Variants in SYT1 observed in about 807,000 individuals in gnomAD.
SYT1 encodes the protein synaptotagmin-1.
SYT1 carries 8 observed loss-of-function variants against 44.8 expected under a neutral mutation model. The ratio of observed to expected loss-of-function variants is 0.18; its 90% confidence interval spans 0.10 to 0.32. SYT1 has a LOEUF of 0.32. SYT1 is among the 10% of genes least tolerant of loss of function. The pLI is 1.00. For missense variants in SYT1, 286 were observed against 509.3 expected, an observed-to-expected ratio of 0.56 and a Z score of 4.22; for synonymous variants, 154 against 188.8, an observed-to-expected ratio of 0.82 and a Z score of 1.51.
intron 10 of SYT1, among the ~76,000 whole-genome samples, chr12:79,446,108 T>C (rs1284517429): frequency 1.4e-5 from 2 of 146,520 alleles, no homozygotes; most frequent in Admixed American, 1.4e-4. Flanking sequence ...ATGAGAAAAG[T>C]ACTATTGTTA....
chr12:79,327,120 A>G (rs530361071), intron 8 of SYT1, among the ~76,000 whole-genome samples: 6 of 152,178 alleles, frequency 3.9e-5, no homozygotes, highest in Middle Eastern at 3.4e-3. Context: ...AAACTTGACA[A>G]TTTAGGCAAC....
At chr12:79,193,761 G>T (rs1873272373) in intron 3 of SYT1, among the ~76,000 whole-genome samples, 1 of 151,950 alleles carries the variant, frequency 6.6e-6, no homozygotes, top group South Asian at 2.1e-4. Context: ...AATATCTTTT[G>T]TTCAATACAT....
At chr12:79,135,210 G>A (rs1207561352) in intron 3 of SYT1, among the ~76,000 whole-genome samples, 10 of 151,700 alleles carry the variant, frequency 6.6e-5, no homozygotes, top group Admixed American at 1.3e-4. Flanking sequence ...CCATTAACTC[G>A]TCATTTAGCA....
At chr12:78,934,332 G>T (rs1188715705) in intron 1 of SYT1, among the ~76,000 whole-genome samples, 1 of 151,822 alleles carries the variant, frequency 6.6e-6, no homozygotes, top group Non-Finnish European at 1.5e-5. Flanking sequence ...ACCAGCCTGG[G>T]CAACAGGGCA....
At chr12:79,269,085 C>A (rs1224701547) in intron 4 of SYT1, among the ~76,000 whole-genome samples, 2 of 138,306 alleles carry the variant, frequency 1.4e-5, no homozygotes, top group African/African-American at 5.1e-5. Context: ...TTATCTTGCC[C>A]TTCTCTTTTT....
chr12:78,878,986 C>G (rs1462915), intron 1 of SYT1, among the ~76,000 whole-genome samples: 77,797 of 151,460 alleles, frequency 0.51, 20,282 homozygotes, highest in Non-Finnish European at 0.56. Flanking sequence ...TATCTACTCT[C>G]ACCCTGTAAA....
chr12:79,048,095 G>A (rs948100193), intron 3 of SYT1, among the ~76,000 whole-genome samples: 2 of 151,696 alleles, frequency 1.3e-5, no homozygotes, highest in African/African-American at 2.4e-5. Flanking sequence ...GATGACCCAC[G>A]TTGTATCACA....
chr12:79,045,234 G>T lies in SYT1; in HGVS notation c.-83-2063G>T, dbSNP rs1873936213. The stretch of plus-strand genomic sequence containing the variant: ...CCTCCCCCAGCCTGGCTGCCGCCTT[G>T]CAGTTTGATCTCAGACTGCTGTGCT... On this transcript the variant is annotated intron_variant, in intron 2 of 10. Coordinates refer to ENST00000261205, the MANE Select transcript of SYT1 (RefSeq NM_005639.3). 2.6e-5 allele frequency among the ~76,000 whole-genome samples: 4 copies of T among 152,338 alleles called. No homozygotes were observed. In the South Asian group the frequency reaches 8.3e-4, roughly 32 times the overall value.
At chr12:78,949,510 T>C (rs941256618) in intron 1 of SYT1, among the ~76,000 whole-genome samples, 8 of 151,718 alleles carry the variant, frequency 5.3e-5, no homozygotes, top group Non-Finnish European at 1.0e-4. Flanking sequence ...ATATCCAGTT[T>C]AAGAGATTTC....
At chr12:78,978,945 G>C (rs545899940) in intron 2 of SYT1, among the ~76,000 whole-genome samples, 15 of 152,226 alleles carry the variant, frequency 9.9e-5, no homozygotes, top group African/African-American at 3.4e-4. Context: ...ACGCTTATGC[G>C]ATACTGGATC....
chr12:79,097,212 A>T (rs969886718), intron 3 of SYT1, among the ~76,000 whole-genome samples: 50 of 151,978 alleles, frequency 3.3e-4, no homozygotes, highest in African/African-American at 1.1e-3. Context: ...GAAAAGGGAC[A>T]TGGGATGAAG....
In SYT1 at chr12:78,906,748, C is replaced by T. The variant is rs1292270500; in HGVS notation, c.-217+41639C>T. ...TGACCAGAGTCCTGCCAGGAAGAAG[C>T]AGTGTTCTGGGCTCTATCTTTACTC... On this transcript the variant is annotated intron_variant, in intron 1 of 10. Transcript: ENST00000261205. Among the ~76,000 whole-genome samples, 4 of 152,046 alleles carry T rather than the reference C, an allele frequency of 2.6e-5. No individual in the cohort carries two copies. In the East Asian group the frequency reaches 7.8e-4, roughly 30 times the overall value.
At chr12:79,176,914 T>C (rs1441097194) in intron 3 of SYT1, among the ~76,000 whole-genome samples, 1 of 152,030 alleles carries the variant, frequency 6.6e-6, no homozygotes, top group Non-Finnish European at 1.5e-5. Flanking sequence ...ATAACCACAA[T>C]GTCAATCACA....
intron 3 of SYT1, among the ~76,000 whole-genome samples, chr12:79,100,068 C>T (rs1179804981): frequency 1.3e-5 from 2 of 151,864 alleles, no homozygotes; most frequent in African/African-American, 4.8e-5. Context: ...ATTATTCATA[C>T]GTTATATATA....
chr12:79,337,628 A>G (rs1371311084), intron 8 of SYT1, among the ~76,000 whole-genome samples: 3 of 151,900 alleles, frequency 2.0e-5, no homozygotes, highest in Non-Finnish European at 4.4e-5. Context: ...ATTCAGATAC[A>G]TATCTCTGCC....
intron 9 of SYT1, among the ~76,000 whole-genome samples, chr12:79,355,936 C>A (rs945264004): frequency 2.0e-5 from 3 of 151,934 alleles, no homozygotes; most frequent in Non-Finnish European, 2.9e-5. Context: ...AGAAAAGAAG[C>A]CAACAGATAG....
chr12:79,384,555 T>A (rs1884354113), intron 9 of SYT1, among the ~76,000 whole-genome samples: 2 of 152,166 alleles, frequency 1.3e-5, no homozygotes, highest in Admixed American at 1.3e-4. Context: ...CAAAACATAT[T>A]TTAAATGACT....
At chr12:79,111,738 C>CAA in intron 3 of SYT1, among the ~76,000 whole-genome samples, 1 of 142,282 alleles carries the variant, frequency 7.0e-6, no homozygotes, top group East Asian at 2.0e-4. Flanking sequence ...ACAAATCCTG[C>CAA]AAAAAAAAAA....
intron 1 of SYT1, among the ~76,000 whole-genome samples, chr12:78,975,472 A>T (rs758700380): frequency 1.3e-5 from 2 of 152,178 alleles, no homozygotes; most frequent in Non-Finnish European, 2.9e-5. Context: ...AAATGTCTTC[A>T]GTTTACAACA....
Sources: allele counts gnomAD v4.1 joint callset (sites outside exome capture counted in the v4.1 genomes callset), GRCh38; gene constraint gnomAD v4.1.1; transcripts MANE v1.5; gene names NCBI Gene and HGNC (gene_info 2026-07-23, HGNC 2026-07-21).